The following ESRRB variants were observed in gnomAD, a reference collection of about 807,000 sequenced individuals.
ESRRB encodes the protein steroid hormone receptor ERR2.
A neutral mutation model predicts 46.0 loss-of-function variants in ESRRB; 16 were observed. The ratio of observed to expected loss-of-function variants is 0.35; its 90% confidence interval spans 0.24 to 0.53. The LOEUF (loss-of-function observed/expected upper bound fraction) is 0.53, where lower values mean the gene tolerates loss of function less well. ESRRB is among the 20% of genes least tolerant of loss of function. The pLI is 0.93. For synonymous variants in ESRRB, 246 were observed against 259.6 expected, an observed-to-expected ratio of 0.95 and a Z score of 0.50; for missense variants, 488 against 607.4, an observed-to-expected ratio of 0.80 and a Z score of 2.07.
At position 76,376,803 on chromosome 14, in the gene ESRRB, A is replaced by T. The variant is rs188934954; in HGVS notation, c.50+352A>T. On this transcript the variant is annotated intron_variant, in intron 1 of 6. Transcript: ENST00000644823. The surrounding 1 kb of genome is among the most constrained non-coding windows in gnomAD (Gnocchi z 4.1). ...AAGAAGGGAGGCAGAAGCCCAGAACAGGTGCAGGGATGTGGTTGCAAGGAT... is the reference window on the plus strand; with the variant it reads ...AAGAAGGGAGGCAGAAGCCCAGAACTGGTGCAGGGATGTGGTTGCAAGGAT... Among the ~76,000 whole-genome samples, 58 of 152,324 alleles carry T rather than the reference A, an allele frequency of 3.8e-4. No homozygotes were observed. Among genetic ancestry groups the T allele is most frequent in the African/African-American group, 1.3e-3 (53 of 41,582 alleles).
chr14:76,338,001 CG>C (rs1344527370), intron 1 of ESRRB, among the ~76,000 whole-genome samples: 2 of 152,180 alleles, frequency 1.3e-5, no homozygotes, highest in Non-Finnish European at 2.9e-5. Flanking sequence ...GTTTTATTCC[CG>C]AGCTGCCTCG....
chr14:76,474,736 G>A (rs139649756), intron 3 of ESRRB, among the ~76,000 whole-genome samples: 2,505 of 152,188 alleles, frequency 0.016, 27 homozygotes, highest in Admixed American at 0.03. Context: ...GGCTATTCAG[G>A]AGGCCGAGGC....
chr14:76,328,223 C>G (rs1470144282), intron 1 of ESRRB, among the ~76,000 whole-genome samples: 1 of 152,212 alleles, frequency 6.6e-6, no homozygotes, highest in Non-Finnish European at 1.5e-5. Flanking sequence ...AGGGTCCTCA[C>G]CTCCTGGGGT....
chr14:76,358,397 A>AAGAAAGAAAGAGAGAG (rs1566859715), intron 1 of ESRRB, among the ~76,000 whole-genome samples: 3 of 126,970 alleles, frequency 2.4e-5, no homozygotes, highest in Admixed American at 8.0e-5. Context: ...GAAAGAAAGA[A>AAGAAAGAAAGAGAGAG]AGAAAGAAAG....
chr14:76,425,589 TG>T (rs1198055541), intron 1 of ESRRB, among the ~76,000 whole-genome samples: 1 of 151,974 alleles, frequency 6.6e-6, no homozygotes, highest in Non-Finnish European at 1.5e-5. Flanking sequence ...GAGCTTTCCC[TG>T]TGCGGCCCCT....
chr14:76,425,754 G>T (rs1053666333), intron 1 of ESRRB, among the ~76,000 whole-genome samples: 1 of 152,006 alleles, frequency 6.6e-6, no homozygotes, highest in Admixed American at 6.6e-5. Context: ...TGTTGCCCAG[G>T]CTGGAGTGCA....
intron 2 of ESRRB, among the ~76,000 whole-genome samples, chr14:76,453,045 C>G (rs1004959392): frequency 4.6e-5 from 7 of 152,188 alleles, no homozygotes; most frequent in Non-Finnish European, 1.0e-4. Context: ...TGGGCCCCAC[C>G]CCAGACCTAC....
At chr14:76,368,278 A>G (rs879480876), upstream of ESRRB, among the ~76,000 whole-genome samples, 148 of 152,062 alleles carry the variant, frequency 9.7e-4, 1 homozygote, top group Non-Finnish European at 7.2e-4. Flanking sequence ...CGGCCCCAGT[A>G]TGCTTTCAAA....
chr14:76,367,171 C>T (rs775764982), upstream of ESRRB, among the ~76,000 whole-genome samples: 8 of 151,924 alleles, frequency 5.3e-5, no homozygotes, highest in Non-Finnish European at 8.8e-5. Context: ...GGCAGTGAGA[C>T]ATGATGATGT....
At chr14:76,469,611 G>A (rs1007758226) in intron 3 of ESRRB, among the ~76,000 whole-genome samples, 7 of 151,948 alleles carry the variant, frequency 4.6e-5, no homozygotes, top group Admixed American at 4.6e-4. Flanking sequence ...TTGGGCTCAA[G>A]CAATCAACCC....
chr14:76,359,822 C>T (rs1884441686), intron 1 of ESRRB, among the ~76,000 whole-genome samples: 1 of 152,080 alleles, frequency 6.6e-6, no homozygotes, highest in Admixed American at 6.6e-5. Flanking sequence ...AAGGAAAACA[C>T]CCAGGAGGCA....
chr14:76,421,595 G>A (rs186718413), intron 1 of ESRRB, among the ~76,000 whole-genome samples: 1 of 152,308 alleles, frequency 6.6e-6, no homozygotes, highest in East Asian at 1.9e-4. Context: ...AGTTTTTCTT[G>A]GATCCAGTTT....
intron 1 of ESRRB, among the ~76,000 whole-genome samples, chr14:76,403,050 C>A (rs577535301): frequency 6.6e-6 from 1 of 152,100 alleles, no homozygotes; most frequent in Non-Finnish European, 1.5e-5. Context: ...CTTGGCTTCC[C>A]AAAGTGCTGG....
Position 76,500,654 on chromosome 14 carries a change from G to C in ESRRB, c.*2196G>C. ...TCAAGCTGGAGGACCCAGGCGGCAGGGCATCATGCCCAGCTGGCATCTGCT... is the reference window on the plus strand; with the variant it reads ...TCAAGCTGGAGGACCCAGGCGGCAGCGCATCATGCCCAGCTGGCATCTGCT... On this transcript the variant is annotated 3_prime_UTR_variant, in exon 7 of 7. Coordinates refer to ENST00000644823, the MANE Select transcript of ESRRB (RefSeq NM_001379180.1). 6.2e-7 allele frequency: 1 copy of C among 1,612,606 alleles called. No homozygotes were observed. The highest frequency in any genetic ancestry group is 8.5e-7 in the Non-Finnish European group (1 of 1,178,976).
Position 76,433,720 on chromosome 14 carries a change from C to G in ESRRB, c.51-5621C>G, listed in dbSNP as rs552598800. On this transcript the variant is annotated intron_variant, in intron 1 of 6. Coordinates refer to ENST00000644823, the MANE Select transcript of ESRRB (RefSeq NM_001379180.1). ...ATTGCAATGAGGCTTCTGTCCCCAT[C>G]ATGCAGTAACCTGGCTGTGGTGAAT... 5.3e-5 allele frequency among the ~76,000 whole-genome samples: 8 copies of G among 152,330 alleles called. No homozygotes were observed. In the South Asian group the frequency reaches 1.7e-3, roughly 32 times the overall value.
intron 1 of ESRRB, chr14:76,310,978 TTCTC>T (rs68079657): frequency 0.028 from 10,027 of 360,774 alleles, 52 homozygotes; most frequent in East Asian, 0.061. Flanking sequence ...TCTGTCCCCT[TTCTC>T]TCTCTCTCTC....
upstream of ESRRB, among the ~76,000 whole-genome samples, chr14:76,367,934 C>A (rs1884543212): frequency 6.6e-6 from 1 of 151,014 alleles, no homozygotes; most frequent in African/African-American, 2.4e-5. Flanking sequence ...CTTTCCACAA[C>A]ACCCTTCCAG....
chr14:76,446,224 A>G (rs1212697400), intron 2 of ESRRB, among the ~76,000 whole-genome samples: 1 of 152,218 alleles, frequency 6.6e-6, no homozygotes, highest in East Asian at 1.9e-4. Flanking sequence ...AAAACCTGAA[A>G]CACTCCTCTG....
At chr14:76,430,777 T>C (rs891546050) in intron 1 of ESRRB, among the ~76,000 whole-genome samples, 1 of 152,224 alleles carries the variant, frequency 6.6e-6, no homozygotes, top group South Asian at 2.1e-4. Context: ...AGCCATTAAG[T>C]GGCCCAGCTG....
Sources: gnomAD v4.1 joint callset for allele counts (sites outside exome capture counted in the v4.1 genomes callset) on GRCh38, gnomAD v4.1.1 for gene constraint, Gnocchi (gnomAD v3.1) non-coding constraint, MANE v1.5 for transcripts, NCBI Gene and HGNC (gene_info 2026-07-23, HGNC 2026-07-21) for gene names.